NKAIN3: variants seen among roughly 807,000 people sequenced by gnomAD.
The protein encoded by NKAIN3 is sodium/potassium-transporting ATPase subunit beta-1-interacting protein 3.
A neutral mutation model predicts 30.2 loss-of-function variants in NKAIN3; 25 were observed. That is an observed-to-expected ratio of 0.83 (90% confidence interval 0.60 to 1.16). The LOEUF (loss-of-function observed/expected upper bound fraction) is 1.16. Ranked by LOEUF, NKAIN3 falls within the 50% of genes most tolerant of loss-of-function variation. NKAIN3 has a pLI of 0.00. For missense variants in NKAIN3, 225 were observed against 254.1 expected (o/e 0.89, Z 0.78); for synonymous variants, 91 against 89.6 (o/e 1.02, Z -0.09).
intron 4 of NKAIN3, among the ~76,000 whole-genome samples, chr8:62,776,287 A>G (rs1372059844): frequency 2.0e-5 from 3 of 152,048 alleles, no homozygotes; most frequent in Non-Finnish European, 4.4e-5. Context: ...CAATGTTATT[A>G]TGGATAAGTA....
intron 1 of NKAIN3, among the ~76,000 whole-genome samples, chr8:62,466,738 G>A (rs193157294): frequency 1.6e-3 from 251 of 152,194 alleles, no homozygotes; most frequent in African/African-American, 5.7e-3. Flanking sequence ...GATAAACTTA[G>A]GTCTTAAAAG....
At chr8:62,435,656 T>G (rs146492192) in intron 1 of NKAIN3, among the ~76,000 whole-genome samples, 174 of 152,298 alleles carry the variant, frequency 1.1e-3, no homozygotes, top group African/African-American at 4.1e-3. Flanking sequence ...TTAGCCTTGT[T>G]AAAATGCTTA....
chr8:62,357,876 A>T (rs1816410325), intron 1 of NKAIN3, among the ~76,000 whole-genome samples: 1 of 152,218 alleles, frequency 6.6e-6, no homozygotes, highest in South Asian at 2.1e-4. Context: ...TATAATTTAT[A>T]TTTAAAATTG....
At chr8:62,926,694 C>T (rs910905213) in intron 5 of NKAIN3, among the ~76,000 whole-genome samples, 26 of 152,214 alleles carry the variant, frequency 1.7e-4, no homozygotes, top group African/African-American at 5.1e-4. Flanking sequence ...TGCCCTGCAC[C>T]CTTAGCATTA....
intron 1 of NKAIN3, among the ~76,000 whole-genome samples, chr8:62,253,932 A>G (rs1469923068): frequency 1.3e-5 from 2 of 152,154 alleles, no homozygotes; most frequent in Non-Finnish European, 2.9e-5. Flanking sequence ...CCTCTGCACT[A>G]TAATTATTAA....
intron 1 of NKAIN3, among the ~76,000 whole-genome samples, chr8:62,268,875 T>C (rs1320352791): frequency 1.3e-5 from 2 of 152,188 alleles, no homozygotes; most frequent in Non-Finnish European, 2.9e-5. Flanking sequence ...TGGGAATGCC[T>C]GACCAGGGAT....
intron 2 of NKAIN3, among the ~76,000 whole-genome samples, chr8:62,585,662 G>A (rs1810448796): frequency 2.0e-5 from 3 of 152,120 alleles, no homozygotes; most frequent in Admixed American, 2.0e-4. Flanking sequence ...AGAATCTAAT[G>A]CCACGCTGAT....
intron 1 of NKAIN3, among the ~76,000 whole-genome samples, chr8:62,543,839 G>A (rs975796947): frequency 2.0e-5 from 3 of 152,038 alleles, no homozygotes; most frequent in Non-Finnish European, 4.4e-5. Context: ...CTTCTCCCAA[G>A]GGTTTGTAAG....
chr8:62,548,814 T>C (rs939671064), intron 1 of NKAIN3, among the ~76,000 whole-genome samples: 6 of 151,024 alleles, frequency 4.0e-5, no homozygotes, highest in Non-Finnish European at 8.8e-5. Context: ...AAAATATATA[T>C]ATGATGAACA....
chr8:62,876,985 C>CA (rs58048972), intron 4 of NKAIN3, among the ~76,000 whole-genome samples: 3,790 of 133,266 alleles, frequency 0.028, 134 homozygotes, highest in African/African-American at 0.088. Flanking sequence ...TTTTAACTCT[C>CA]AAAAAAAAAA....
chr8:62,785,360 C>T (rs141768136), intron 4 of NKAIN3, among the ~76,000 whole-genome samples: 2 of 152,086 alleles, frequency 1.3e-5, no homozygotes, highest in African/African-American at 2.4e-5. Context: ...ATATGTAATG[C>T]TGTAATAGGC....
intron 1 of NKAIN3, among the ~76,000 whole-genome samples, chr8:62,285,713 C>G (rs534079931): frequency 6.4e-4 from 98 of 152,272 alleles, no homozygotes; most frequent in African/African-American, 2.3e-3. Context: ...AAACTCCACT[C>G]TGTCCAATCC....
At chr8:62,338,953 T>C (rs972385630) in intron 1 of NKAIN3, among the ~76,000 whole-genome samples, 6 of 152,032 alleles carry the variant, frequency 3.9e-5, no homozygotes, top group Non-Finnish European at 8.8e-5. Context: ...ATCAATCCTT[T>C]GCATCCTTCA....
intron 1 of NKAIN3, among the ~76,000 whole-genome samples, chr8:62,528,308 T>TATATATATTATATA (rs1563441376): frequency 5.2e-5 from 4 of 76,752 alleles, no homozygotes; most frequent in Non-Finnish European, 8.5e-5. Flanking sequence ...TATTATATTA[T>TATATATATTATATA]ATATATATAT....
chr8:62,522,410 G>A (rs1214559776), intron 1 of NKAIN3, among the ~76,000 whole-genome samples: 1 of 152,004 alleles, frequency 6.6e-6, no homozygotes, highest in Admixed American at 6.6e-5. Flanking sequence ...TATGTTGCTA[G>A]TTTATTTACT....
At chr8:62,658,115 T>G (rs775059896) in intron 3 of NKAIN3, among the ~76,000 whole-genome samples, 1 of 152,212 alleles carries the variant, frequency 6.6e-6, no homozygotes, top group Non-Finnish European at 1.5e-5. Flanking sequence ...GCTTTGGAAT[T>G]AAACTGAATG....
intron 1 of NKAIN3, among the ~76,000 whole-genome samples, chr8:62,529,246 T>C (rs1235767184): frequency 6.6e-6 from 1 of 152,202 alleles, no homozygotes; most frequent in East Asian, 1.9e-4. Context: ...ATTTCTTTAA[T>C]TTAAAAGGCA....
chr8:62,807,325 G>A (rs556067399), intron 4 of NKAIN3, among the ~76,000 whole-genome samples: 1 of 152,072 alleles, frequency 6.6e-6, no homozygotes, highest in Admixed American at 6.6e-5. Flanking sequence ...AAGTTGGGGT[G>A]TGTCCTTCTC....
chr8:62,660,583 A>G (rs1812915052), intron 3 of NKAIN3, among the ~76,000 whole-genome samples: 1 of 152,208 alleles, frequency 6.6e-6, no homozygotes, highest in African/African-American at 2.4e-5. Flanking sequence ...ACTGTTAGTG[A>G]AATGATTAAA....
Sources: allele counts gnomAD v4.1 joint callset (sites outside exome capture counted in the v4.1 genomes callset), GRCh38; gene constraint gnomAD v4.1.1; transcripts MANE v1.5; gene names NCBI Gene and HGNC (gene_info 2026-07-23, HGNC 2026-07-21).